The following ROBO2 variants were observed in gnomAD, a reference collection of about 807,000 sequenced individuals.
The protein encoded by ROBO2 is roundabout guidance receptor 2.
A neutral mutation model predicts 160.8 loss-of-function variants in ROBO2; 53 were observed. That is an observed-to-expected ratio of 0.33 (90% CI 0.26 to 0.41). The LOEUF (loss-of-function observed/expected upper bound fraction) is 0.41, where lower values mean the gene tolerates loss of function less well. Ranked by LOEUF, ROBO2 falls within the 10% of genes least tolerant of loss-of-function variation. The pLI, the probability that ROBO2 is intolerant of heterozygous loss-of-function variation, is 1.00. For synonymous variants in ROBO2, 664 were observed against 611.7 expected (o/e 1.09, Z -1.26); for missense variants, 1,577 against 1,722.4 (o/e 0.92, Z 1.49).
intron 17 of ROBO2, among the ~76,000 whole-genome samples, chr3:77,591,803 A>G (rs1466082095): frequency 1.3e-5 from 2 of 152,160 alleles, no homozygotes; most frequent in Non-Finnish European, 2.9e-5. Context: ...AACCCTTCTT[A>G]CAGCTTCAAG....
intron 2 of ROBO2, among the ~76,000 whole-genome samples, chr3:76,049,271 G>A (rs929050845): frequency 6.6e-6 from 1 of 151,322 alleles, no homozygotes; most frequent in African/African-American, 2.4e-5. Flanking sequence ...GCAGTGGTGT[G>A]ACCACAGCTC....
At chr3:77,166,582 G>T (rs992206500) in intron 2 of ROBO2, among the ~76,000 whole-genome samples, 1 of 151,820 alleles carries the variant, frequency 6.6e-6, no homozygotes, top group Non-Finnish European at 1.5e-5. Context: ...TGTTTTAGGC[G>T]GAGTCTCACT....
intron 2 of ROBO2, among the ~76,000 whole-genome samples, chr3:76,589,544 G>T (rs1413177980): frequency 6.6e-6 from 1 of 152,140 alleles, no homozygotes; most frequent in Non-Finnish European, 1.5e-5. Context: ...TGCACAAGTA[G>T]AGACACACAT....
intron 2 of ROBO2, among the ~76,000 whole-genome samples, chr3:75,944,962 C>T (rs74398776): frequency 6.6e-6 from 1 of 152,126 alleles, no homozygotes; most frequent in South Asian, 2.1e-4. Context: ...TGTTGCTTTT[C>T]ATAGTTTACG....
intron 2 of ROBO2, among the ~76,000 whole-genome samples, chr3:76,428,159 A>G (rs1285040831): frequency 6.6e-5 from 10 of 152,166 alleles, no homozygotes; most frequent in Non-Finnish European, 1.3e-4. Context: ...ATTAAAATAT[A>G]GAAGACCTCA....
At chr3:77,377,836 A>G (rs992809322) in intron 2 of ROBO2, among the ~76,000 whole-genome samples, 14 of 152,206 alleles carry the variant, frequency 9.2e-5, no homozygotes, top group African/African-American at 2.9e-4. Context: ...GACATAAACA[A>G]TGCTTAATAT....
chr3:76,688,494 G>A (rs1242652411), intron 2 of ROBO2, among the ~76,000 whole-genome samples: 3 of 151,440 alleles, frequency 2.0e-5, no homozygotes, highest in Non-Finnish European at 4.4e-5. Context: ...AAATTTAAAC[G>A]TTGAATATTT....
intron 2 of ROBO2, among the ~76,000 whole-genome samples, chr3:76,185,301 T>A (rs1360637858): frequency 6.7e-6 from 1 of 149,920 alleles, no homozygotes; most frequent in East Asian, 2.0e-4. Context: ...TTACTGTTTT[T>A]ATAAAGAAAC....
chr3:76,386,874 G>C (rs2076917812), intron 2 of ROBO2, among the ~76,000 whole-genome samples: 1 of 152,106 alleles, frequency 6.6e-6, no homozygotes, highest in South Asian at 2.1e-4. Flanking sequence ...AAGCATGATA[G>C]GGTAGCTGTG....
rs747601802 is a variant in ROBO2 at position 77,562,614 on chromosome 3, T to G, written c.1438-37T>G. ...TTGAGTAATTATTCTGCAAATTGAC[T>G]GAAACAATTTAATTCTCTCCCTTCT... On this transcript the variant is annotated intron_variant, in intron 9 of 25. Coordinates refer to ENST00000461745, the Ensembl canonical transcript of ROBO2. 8.9e-6 allele frequency: 13 copies of G among 1,459,732 alleles called. 1 individual carries two copies. The Admixed American group carries it at 1.8e-4, about 21-fold the overall frequency. 90.4% of individuals were successfully genotyped at this position (1,459,732 alleles called of 1,614,324 possible).
chr3:77,072,383 G>A (rs926567120), intron 1 of ROBO2, among the ~76,000 whole-genome samples: 6 of 152,020 alleles, frequency 3.9e-5, no homozygotes, highest in Non-Finnish European at 8.8e-5. Context: ...TCCTCCTGCC[G>A]CCCACACTAC....
At chr3:76,252,788 CACACAG>C (rs1168223373) in intron 2 of ROBO2, among the ~76,000 whole-genome samples, 1 of 144,136 alleles carries the variant, frequency 6.9e-6, no homozygotes, top group Non-Finnish European at 1.5e-5. Flanking sequence ...CACACACACA[CACACAG>C]AGTTTTTTTG....
intron 2 of ROBO2, among the ~76,000 whole-genome samples, chr3:77,204,543 A>G (rs559381171): frequency 1.3e-5 from 2 of 152,132 alleles, no homozygotes; most frequent in Non-Finnish European, 2.9e-5. Context: ...TTAAAAATCT[A>G]TATGTTTAAG....
intron 2 of ROBO2, among the ~76,000 whole-genome samples, chr3:77,194,505 T>C (rs2082145210): frequency 6.6e-6 from 1 of 152,226 alleles, no homozygotes; most frequent in Admixed American, 6.5e-5. Context: ...TTTATTTTAG[T>C]GACTGCAGAA....
intron 2 of ROBO2, among the ~76,000 whole-genome samples, chr3:76,384,428 A>G (rs1203867716): frequency 5.9e-5 from 9 of 152,208 alleles, no homozygotes; most frequent in Admixed American, 5.9e-4. Context: ...AAAACAAAAA[A>G]GCAGAGAAAT....
chr3:77,193,233 C>A (rs1193183568), intron 2 of ROBO2, among the ~76,000 whole-genome samples: 1 of 150,996 alleles, frequency 6.6e-6, no homozygotes, highest in Non-Finnish European at 1.5e-5. Context: ...GGAAGGGATT[C>A]TTGTTGGCAT....
intron 2 of ROBO2, among the ~76,000 whole-genome samples, chr3:76,097,389 C>G (rs1450585535): frequency 6.6e-6 from 1 of 152,150 alleles, no homozygotes; most frequent in Admixed American, 6.5e-5. Flanking sequence ...CTGAGAAGAG[C>G]TATTGATGCT....
chr3:76,484,254 C>CATGTTCTA (rs1344447554), intron 2 of ROBO2, among the ~76,000 whole-genome samples: 22 of 152,072 alleles, frequency 1.4e-4, no homozygotes, highest in Admixed American at 1.4e-3. Flanking sequence ...GTCTTGGTGC[C>CATGTTCTA]ATGTTCTAAA....
At chr3:76,871,321 G>T (rs1443429848) in intron 2 of ROBO2, among the ~76,000 whole-genome samples, 1 of 151,914 alleles carries the variant, frequency 6.6e-6, no homozygotes, top group African/African-American at 2.4e-5. Flanking sequence ...TTGGGAGGCC[G>T]AGGCAGGCGG....
Sources: gnomAD v4.1 joint callset for allele counts (sites outside exome capture counted in the v4.1 genomes callset) on GRCh38, gnomAD v4.1.1 for gene constraint, MANE v1.5 for transcripts, NCBI Gene and HGNC (gene_info 2026-07-23, HGNC 2026-07-21) for gene names.